Variants in NFIA observed in about 807,000 individuals in gnomAD.
NFIA encodes nuclear factor 1 A-type.
Under a neutral mutation model 62.8 loss-of-function variants are expected in NFIA, and 8 were observed. That is an observed-to-expected ratio of 0.13 (90% CI 0.07 to 0.23). The LOEUF is 0.23. NFIA is among the 10% of genes least tolerant of loss of function. The pLI, the probability that NFIA is intolerant of heterozygous loss-of-function variation, is 1.00. For missense variants in NFIA, 410 were observed against 642.1 expected (o/e 0.64, Z 3.91); for synonymous variants, 235 against 238.1 (o/e 0.99, Z 0.12).
intron 9 of NFIA, among the ~76,000 whole-genome samples, chr1:61,407,872 CT>C (rs1316423661): frequency 3.3e-5 from 5 of 152,104 alleles, no homozygotes; most frequent in African/African-American, 1.2e-4. Flanking sequence ...GGACAGTCCT[CT>C]GGATGAATGC....
intron 2 of NFIA, among the ~76,000 whole-genome samples, chr1:61,248,311 A>G (rs1200519635): frequency 6.6e-6 from 1 of 152,212 alleles, no homozygotes; most frequent in Non-Finnish European, 1.5e-5. Context: ...CTTTTAACTA[A>G]AAGGCTTCGG....
At chr1:61,274,531 CAAG>C (rs1657695381) in intron 2 of NFIA, among the ~76,000 whole-genome samples, 1 of 152,178 alleles carries the variant, frequency 6.6e-6, no homozygotes, top group Non-Finnish European at 1.5e-5. Flanking sequence ...GACTCAGATA[CAAG>C]AAGAACATCC....
At chr1:61,123,037 A>T (rs1646913180) in intron 2 of NFIA, among the ~76,000 whole-genome samples, 1 of 152,188 alleles carries the variant, frequency 6.6e-6, no homozygotes, top group South Asian at 2.1e-4. Flanking sequence ...TCTAACCCCT[A>T]ATCAGTATTC....
chr1:61,297,829 G>A (rs549681487), intron 3 of NFIA, among the ~76,000 whole-genome samples: 1 of 152,286 alleles, frequency 6.6e-6, no homozygotes, highest in Admixed American at 6.5e-5. Context: ...GGGACAGGAA[G>A]CGGAAAGTTA....
chr1:61,246,850 G>A lies in NFIA; in HGVS notation c.560-30670G>A, dbSNP rs572649422. Among the ~76,000 whole-genome samples, 8 of 152,258 alleles carry A rather than the reference G, an allele frequency of 5.3e-5. No homozygotes were observed. In the East Asian group the frequency reaches 1.5e-3, roughly 29 times the overall value. On this transcript the variant is annotated intron_variant, in intron 2 of 10. Transcript: ENST00000403491. Reference sequence around the variant, plus strand: ...CTGTAGTTCTTTATTAGTAGCCTTAGTATCTTAGCATATTAGTGATTTTAT... The same window carrying A: ...CTGTAGTTCTTTATTAGTAGCCTTAATATCTTAGCATATTAGTGATTTTAT...
intron 4 of NFIA, among the ~76,000 whole-genome samples, chr1:61,343,269 T>G (rs937689746): frequency 2.0e-5 from 3 of 152,250 alleles, no homozygotes; most frequent in African/African-American, 7.2e-5. Context: ...CTCACAGTAA[T>G]TATCTGTCAA....
chr1:61,244,396 C>T (rs1467208543), intron 2 of NFIA, among the ~76,000 whole-genome samples: 1 of 152,158 alleles, frequency 6.6e-6, no homozygotes, highest in Non-Finnish European at 1.5e-5. Context: ...TGTCTGTTTT[C>T]ATTCTTTTGT....
chr1:61,308,579 G>A (rs1160230583), intron 3 of NFIA, among the ~76,000 whole-genome samples: 2 of 152,162 alleles, frequency 1.3e-5, no homozygotes, highest in South Asian at 2.1e-4. Context: ...GCAAACCATG[G>A]TACAGTGAGG....
intron 2 of NFIA, among the ~76,000 whole-genome samples, chr1:61,221,183 T>C (rs1446325547): frequency 6.6e-6 from 1 of 152,196 alleles, no homozygotes; most frequent in Non-Finnish European, 1.5e-5. Flanking sequence ...ACTATCAGAA[T>C]AACAGTTGTT....
chr1:61,169,664 GTTAC>G (rs1211768156), intron 2 of NFIA, among the ~76,000 whole-genome samples: 2 of 152,188 alleles, frequency 1.3e-5, no homozygotes, highest in Non-Finnish European at 2.9e-5. Context: ...CAAACACTGT[GTTAC>G]TTACTGGGGA....
chr1:61,389,074 C>G lies in NFIA; in HGVS notation c.1075+5709C>G, dbSNP rs549463060. 1.8e-4 allele frequency among the ~76,000 whole-genome samples: 28 copies of G among 152,174 alleles called. No individual in the cohort carries two copies. In the South Asian group the frequency reaches 5.4e-3, roughly 29 times the overall value. ...GGCTGCAGTGAGCTATGACGGCACT[C>G]CAGCCTGAGCAACAGAGAAAGACCC... On this transcript the variant is annotated intron_variant, in intron 7 of 10. Transcript: ENST00000403491.
intron 5 of NFIA, among the ~76,000 whole-genome samples, chr1:61,358,504 G>T (rs1569598264): frequency 6.8e-6 from 1 of 146,672 alleles, no homozygotes; most frequent in East Asian, 2.1e-4. Flanking sequence ...TCCTGCCTCA[G>T]CCTCCCGAGT....
At chr1:61,235,474 ATAAAT>A (rs1272694768) in intron 2 of NFIA, among the ~76,000 whole-genome samples, 3 of 145,468 alleles carry the variant, frequency 2.1e-5, no homozygotes, top group African/African-American at 7.5e-5. Flanking sequence ...AAATAAATAA[ATAAAT>A]AAATAAATAA....
intron 2 of NFIA, among the ~76,000 whole-genome samples, chr1:61,270,449 T>C (rs963289158): frequency 2.6e-5 from 4 of 152,220 alleles, no homozygotes; most frequent in Non-Finnish European, 2.9e-5. Context: ...ATAGCATGTT[T>C]ACACTTGATA....
intron 3 of NFIA, among the ~76,000 whole-genome samples, chr1:61,290,762 G>A (rs2782549): frequency 2.6e-5 from 4 of 151,998 alleles, no homozygotes; most frequent in African/African-American, 9.7e-5. Context: ...GTAAACCTTA[G>A]CACGTGCTCC....
chr1:61,297,367 GATCAGCCCCATC>G (rs1659242748), intron 3 of NFIA, among the ~76,000 whole-genome samples: 1 of 152,052 alleles, frequency 6.6e-6, no homozygotes, highest in Non-Finnish European at 1.5e-5. Context: ...ATTGTCTTTC[GATCAGCCCCATC>G]ATTGCAAACC....
intron 3 of NFIA, among the ~76,000 whole-genome samples, chr1:61,284,380 T>C (rs775365373): frequency 5.9e-5 from 9 of 152,206 alleles, no homozygotes; most frequent in Non-Finnish European, 1.3e-4. Context: ...TGTTAGCAGG[T>C]GTGACCCATC....
chr1:61,407,510 A>G (rs1665900158), intron 9 of NFIA, among the ~76,000 whole-genome samples: 1 of 152,238 alleles, frequency 6.6e-6, no homozygotes, highest in Non-Finnish European at 1.5e-5. Flanking sequence ...GTTTGAATGC[A>G]CAAATGTGCC....
chr1:61,453,285 A>G (rs1200996190), intron 10 of NFIA, among the ~76,000 whole-genome samples: 3 of 152,044 alleles, frequency 2.0e-5, no homozygotes. Context: ...GCAACCAGAC[A>G]TGATGTAACA....
Sources: allele counts gnomAD v4.1 joint callset (sites outside exome capture counted in the v4.1 genomes callset), GRCh38; gene constraint gnomAD v4.1.1; transcripts MANE v1.5; gene names NCBI Gene and HGNC (gene_info 2026-07-23, HGNC 2026-07-21).